Variants in PARM1 observed in about 807,000 individuals in gnomAD.
PARM1 encodes WSC4, cell wall integrity and stress response component 4 homolog.
PARM1 carries 14 observed loss-of-function variants against 24.6 expected under a neutral mutation model. That is an observed-to-expected ratio of 0.57 (90% CI 0.38 to 0.89). PARM1 has a LOEUF of 0.89. PARM1 is among the 40% of genes least tolerant of loss of function. The pLI, the probability that PARM1 is intolerant of heterozygous loss-of-function variation, is 0.00. For missense variants in PARM1, 362 were observed against 380.4 expected, an observed-to-expected ratio of 0.95 and a Z score of 0.40; for synonymous variants, 179 against 156.6, an observed-to-expected ratio of 1.14 and a Z score of -1.07.
chr4:74,943,739 T>A (rs1259809319), intron 1 of PARM1, among the ~76,000 whole-genome samples: 3 of 152,196 alleles, frequency 2.0e-5, no homozygotes, highest in Non-Finnish European at 4.4e-5. Context: ...CATTCGAGCA[T>A]TTTTGAGAAT....
chr4:75,026,177 TAAA>T, intron 2 of PARM1, among the ~76,000 whole-genome samples: 1 of 152,220 alleles, frequency 6.6e-6, no homozygotes, highest in African/African-American at 2.4e-5. Flanking sequence ...TAACTACTAA[TAAA>T]GTTCAGGTTT....
intron 1 of PARM1, among the ~76,000 whole-genome samples, chr4:74,987,562 T>C (rs1440364707): frequency 6.6e-6 from 1 of 152,208 alleles, no homozygotes; most frequent in African/African-American, 2.4e-5. Context: ...ACATACTGAA[T>C]ATTTATTTTG....
intron 1 of PARM1, among the ~76,000 whole-genome samples, chr4:74,943,317 T>C (rs971372994): frequency 6.6e-6 from 1 of 152,232 alleles, no homozygotes; most frequent in Non-Finnish European, 1.5e-5. Context: ...TGTGTTAGAA[T>C]TCTTTGTGGG....
At position 75,049,961 on chromosome 4, in the gene PARM1, C is replaced by G. The variant is rs1723687833; in HGVS notation, c.*3714C>G. 6.7e-6 allele frequency: 1 copy of G among 149,128 alleles called. No homozygotes were observed. The highest frequency in any genetic ancestry group is 1.5e-5 in the Non-Finnish European group (1 of 67,764). 9.2% of individuals were successfully genotyped at this position (149,128 alleles called of 1,614,324 possible). ...AATAATGCTAACCAAGAGATCAATG[C>G]CAGATTTTTCTCTTGGGGTAAGTTA... On this transcript the variant is annotated 3_prime_UTR_variant, in exon 4 of 4. Coordinates refer to ENST00000307428, the MANE Select transcript of PARM1 (RefSeq NM_015393.4).
At position 75,023,103 on chromosome 4, in the gene PARM1, C is replaced by T. The variant is rs1723119487; in HGVS notation, c.769+9953C>T. Among the ~76,000 whole-genome samples the T allele has an allele frequency of 3.3e-5, 5 of 152,140 alleles. No individual in the cohort carries two copies. In the South Asian group the frequency reaches 1.0e-3, roughly 32 times the overall value. On this transcript the variant is annotated intron_variant, in intron 2 of 3. Transcript: ENST00000307428. ...TTAAAATTATAAAATCTCAGTAGGT[C>T]CATGGATGTGGGCCATCAAAAACAC...
intron 2 of PARM1, among the ~76,000 whole-genome samples, chr4:75,017,351 C>T (rs966914928): frequency 1.3e-5 from 2 of 152,198 alleles, no homozygotes; most frequent in African/African-American, 4.8e-5. Flanking sequence ...CTCGTCCACT[C>T]TCACCCTCAG....
intron 1 of PARM1, among the ~76,000 whole-genome samples, chr4:74,978,407 G>C (rs1722178569): frequency 6.6e-6 from 1 of 152,152 alleles, no homozygotes; most frequent in African/African-American, 2.4e-5. Flanking sequence ...AACATGAAGA[G>C]CTAACTATCC....
chr4:74,933,780 A>T (rs1271990179), intron 1 of PARM1, among the ~76,000 whole-genome samples: 2 of 151,946 alleles, frequency 1.3e-5, no homozygotes, highest in African/African-American at 2.4e-5. Flanking sequence ...AAGCCGGGGA[A>T]GTGGGGGTGG....
rs1243232694 is a variant in PARM1, at chr4:75,049,113, A to T, written c.*2866A>T. 1 of 152,182 alleles carries T rather than the reference A, an allele frequency of 6.6e-6. No individual in the cohort carries two copies. The highest frequency in any genetic ancestry group is 1.5e-5 in the Non-Finnish European group (1 of 68,044). The allele number at this position is 152,182 out of a possible 1,614,324, so 9.4% of individuals were successfully genotyped here. On this transcript the variant is annotated 3_prime_UTR_variant, in exon 4 of 4. Transcript: ENST00000307428. ...ACTTTAGAGAGAATGTCAGAGCAGG[A>T]GGGAGGCAAGCCGCCTCTTCTCGGC...
At chr4:75,005,454 G>A (rs1306493750) in intron 1 of PARM1, among the ~76,000 whole-genome samples, 13 of 152,166 alleles carry the variant, frequency 8.5e-5, no homozygotes, top group Admixed American at 8.5e-4. Flanking sequence ...AGGAAAAGGT[G>A]ACAGAGTTCA....
chr4:75,040,961 GA>G (rs56235619), intron 3 of PARM1, among the ~76,000 whole-genome samples: 39,915 of 151,844 alleles, frequency 0.26, 6,254 homozygotes, highest in East Asian at 0.67. Context: ...ATCATATTCA[GA>G]ATTACAGTCC....
intron 2 of PARM1, among the ~76,000 whole-genome samples, chr4:75,017,999 A>G (rs906967955): frequency 6.6e-6 from 1 of 152,176 alleles, no homozygotes; most frequent in Non-Finnish European, 1.5e-5. Flanking sequence ...CTACTTTACT[A>G]TTGTTTACTG....
At chr4:74,940,601 G>A (rs1721285884) in intron 1 of PARM1, among the ~76,000 whole-genome samples, 3 of 152,088 alleles carry the variant, frequency 2.0e-5, no homozygotes, top group Non-Finnish European at 4.4e-5. Context: ...TTGGAGATTA[G>A]GATTTCAACA....
intron 1 of PARM1, among the ~76,000 whole-genome samples, chr4:75,005,211 G>A (rs1362792532): frequency 2.6e-5 from 4 of 152,178 alleles, no homozygotes; most frequent in African/African-American, 4.8e-5. Context: ...TCTGCCAGGC[G>A]ACCACAAGCA....
rs1369384617 is a variant in PARM1, at chr4:75,012,507, G to T, written c.126G>T (p.Trp42Cys). Residue 42 changes from tryptophan (W) to cysteine (C), a missense_variant, in exon 2 of 4, where the codon TGG becomes TGT. Transcript: ENST00000307428. ...PTNIVPPTTI[W>C]TSSPQNTDAD... ...ACATTGTACCACCGACCACCATCTG[G>T]ACTAGCTCTCCACAAAACACTGATG... 6.2e-7 allele frequency: 1 copy of T among 1,613,722 alleles called. No homozygotes were observed. Among genetic ancestry groups the T allele is most frequent in the Non-Finnish European group, 8.5e-7 (1 of 1,179,880 alleles).
chr4:74,992,107 G>A (rs1722489605), intron 1 of PARM1, among the ~76,000 whole-genome samples: 1 of 152,082 alleles, frequency 6.6e-6, no homozygotes, highest in South Asian at 2.1e-4. Flanking sequence ...GGGATGTGGA[G>A]TTTCCATTCC....
chr4:74,946,061 T>C (rs1721405002), intron 1 of PARM1, among the ~76,000 whole-genome samples: 1 of 152,216 alleles, frequency 6.6e-6, no homozygotes, highest in Admixed American at 6.5e-5. Context: ...GTATCACACA[T>C]TGTGCTACAT....
chr4:75,048,975 G>A lies in PARM1; in HGVS notation c.*2728G>A, dbSNP rs1723665884. 2 of 152,514 alleles carry A rather than the reference G, an allele frequency of 1.3e-5. No individual in the cohort carries two copies. The highest frequency in any genetic ancestry group is 2.4e-5 in the African/African-American group (1 of 41,414). 9.4% of individuals were successfully genotyped at this position (152,514 alleles called of 1,614,324 possible). A position where few individuals can be genotyped will look rare whatever the true frequency, so the allele number is the denominator to read the frequency against. ...CACACACACATCTGAAATATATGCC[G>A]AAAATTGACGTCTTTGACCTCAGGG... On this transcript the variant is annotated 3_prime_UTR_variant, in exon 4 of 4. Coordinates refer to ENST00000307428, the MANE Select transcript of PARM1 (RefSeq NM_015393.4).
At chr4:75,005,310 T>C (rs989129532) in intron 1 of PARM1, among the ~76,000 whole-genome samples, 4 of 152,160 alleles carry the variant, frequency 2.6e-5, no homozygotes, top group Non-Finnish European at 5.9e-5. Context: ...TTGCCACATG[T>C]TTTCTCACGT....
Sources: allele counts gnomAD v4.1 joint callset (sites outside exome capture counted in the v4.1 genomes callset), GRCh38; gene constraint gnomAD v4.1.1; transcripts MANE v1.5; gene names NCBI Gene and HGNC (gene_info 2026-07-23, HGNC 2026-07-21).